Variants in NSMF observed in about 807,000 individuals in gnomAD.
The protein encoded by NSMF is nasal embryonic LHRH factor.
A neutral mutation model predicts 71.0 loss-of-function variants in NSMF; 31 were observed. The ratio of observed to expected loss-of-function variants is 0.44; its 90% CI spans 0.33 to 0.59. The LOEUF (loss-of-function observed/expected upper bound fraction) is 0.59, where lower values mean the gene tolerates loss of function less well. Ranked by LOEUF, NSMF falls within the 20% of genes least tolerant of loss-of-function variation. The pLI is 0.04. For missense variants in NSMF, 673 were observed against 740.5 expected, an observed-to-expected ratio of 0.91 and a Z score of 1.06; for synonymous variants, 345 against 287.1, an observed-to-expected ratio of 1.20 and a Z score of -2.04.
chr9:137,449,913 G>T lies in NSMF; in HGVS notation c.1419+10C>A. 6.2e-7 allele frequency: 1 copy of T among 1,606,056 alleles called. No homozygotes were observed. The highest frequency in any genetic ancestry group is 1.1e-5 in the South Asian group (1 of 90,950). ...CAGAGGTCTGGGGTGGGGCTTGGGG[G>T]TCACTGTACCTTCTCTCCATTGGGG... On this transcript the variant is annotated intron_variant, in intron 14 of 15. Coordinates refer to ENST00000371475, the MANE Select transcript of NSMF (RefSeq NM_001130969.3).
Position 137,453,274 on chromosome 9 carries a change from C to G in NSMF, c.923-94G>C, listed in dbSNP as rs1192248228. 1 of 1,571,166 alleles carries G rather than the reference C, an allele frequency of 6.4e-7. No individual in the cohort carries two copies. Among genetic ancestry groups the G allele is most frequent in the Non-Finnish European group, 8.6e-7 (1 of 1,160,942 alleles). ...GCCCACAGGGCCCGAAAGCCCCATC[C>G]CGGAGGGTCCTCCAAGCAAGTGGGA... On this transcript the variant is annotated intron_variant, in intron 8 of 15. Coordinates refer to ENST00000371475, the MANE Select transcript of NSMF (RefSeq NM_001130969.3). The surrounding 1 kb of genome is among the most constrained non-coding windows in gnomAD (Gnocchi z 4.5).
At chr9:137,458,236 C>T (rs1415550669) in intron 2 of NSMF, among the ~76,000 whole-genome samples, 2 of 152,188 alleles carry the variant, frequency 1.3e-5, no homozygotes, top group African/African-American at 4.8e-5. Context: ...GCAGTGGTGC[C>T]AGCCCTGGGG....
chr9:137,457,706 A>C lies in NSMF; in HGVS notation c.329T>G (p.Leu110Arg). 6.4e-7 allele frequency: 1 copy of C among 1,553,244 alleles called. No individual in the cohort carries two copies. Among genetic ancestry groups the C allele is most frequent in the Non-Finnish European group, 8.7e-7 (1 of 1,148,484 alleles). Residue 110 changes from leucine to arginine, a missense_variant, in exon 3 of 16, where the codon CTG becomes CGG. By Grantham distance (102) the Leu-to-Arg change is moderately radical. Coordinates refer to ENST00000371475, the MANE Select transcript of NSMF (RefSeq NM_001130969.3). ...RVYTISGEPA[L>R]LPSPEAEAIE... The stretch of plus-strand genomic sequence containing the variant: ...GGCCTCCGCCTCAGGGCTGGGCAGC[A>C]GGGCAGGCTCCCCAGAGATGGTGTA...
chr9:137,455,480 G>A lies in NSMF; in HGVS notation c.710+149C>T, dbSNP rs1012460301. 6.9e-6 allele frequency: 8 copies of A among 1,164,558 alleles called. No homozygotes were observed. In the East Asian group the frequency reaches 1.5e-4, roughly 22 times the overall value. 72.1% of individuals were successfully genotyped at this position (1,164,558 alleles called of 1,614,324 possible). On this transcript the variant is annotated intron_variant, in intron 5 of 15. Coordinates refer to ENST00000371475, the MANE Select transcript of NSMF (RefSeq NM_001130969.3). ...CCCAGCTCCCAGCAGGCCCTGCTGC[G>A]ACCTCGGTGCCCGCTGGGAGCCAGG...
At position 137,457,601 on chromosome 9, in the gene NSMF, C is replaced by T. The variant is rs1830903282; in HGVS notation, c.434G>A (p.Gly145Asp). The T allele has an allele frequency of 1.3e-6, 2 of 1,557,112 alleles. No individual in the cohort carries two copies. The highest frequency in any genetic ancestry group is 4.9e-5 in the East Asian group (2 of 41,218). ...HSQPLRASPG[G>D]SREDVSRPCQ... is the part of the protein sequence containing the mutation. Reference sequence around the variant, plus strand: ...GGGCCTGCTGACGTCCTCCCGGCTGCCACCAGGGCTGGCGCGCAGGGGCTG... The same window carrying T: ...GGGCCTGCTGACGTCCTCCCGGCTGTCACCAGGGCTGGCGCGCAGGGGCTG... Residue 145 changes from glycine to aspartate, a missense_variant, in exon 3 of 16, where the codon GGC becomes GAC. Physicochemically the swap from Gly to Asp is moderately conservative, Grantham distance 94. Transcript: ENST00000371475.
rs759342686 is a variant in NSMF, at chr9:137,454,367, C to T, written c.832+24G>A. ...CCAGCCAAGCGCAACGCCGCCCCCC[C>T]ACCCCCGCCGCACGGGGTCTTACTC... On this transcript the variant is annotated intron_variant, in intron 7 of 15. Transcript: ENST00000371475. 4.0e-5 allele frequency: 62 copies of T among 1,548,498 alleles called. 2 individuals carry two copies. In the South Asian group the frequency reaches 5.2e-4, roughly 13 times the overall value.
intron 9 of NSMF, 104 bp downstream of exon 9, chr9:137,452,952 G>A: frequency 6.3e-7 from 1 of 1,582,744 alleles, no homozygotes; most frequent in Non-Finnish European, 8.6e-7. Flanking sequence ...CCTCCCCCAG[G>A]CAGCTGGAGA....
rs1830407495 is a variant in NSMF at position 137,450,212 on chromosome 9, G to A, written c.1280C>T (p.Thr427Ile). 2 of 1,613,424 alleles carry A rather than the reference G, an allele frequency of 1.2e-6. No individual in the cohort carries two copies. The highest frequency in any genetic ancestry group is 1.3e-5 in the African/African-American group (1 of 74,896). The change falls in exon 13 of 16, where the codon ACC becomes ATC. Residue 427 changes from threonine (T) to isoleucine (I), a missense_variant. Thr to Ile is a moderately conservative substitution (Grantham distance 89). Around this residue, in one of 2 missense-constraint regions of NSMF, gnomAD observed 202 missense variants for 280.8 expected, o/e 0.72. Coordinates refer to ENST00000371475, the MANE Select transcript of NSMF (RefSeq NM_001130969.3). Reference protein sequence around the residue: ...HLYLLKNKVATFAKVEKEEDM... With the variant: ...HLYLLKNKVAIFAKVEKEEDM... ...CTCTTCCTTCTCCACTTTGGCAAAGGTGGCCACCTTGTTCTTGAGGAGATA... is the reference window on the plus strand; with the variant it reads ...CTCTTCCTTCTCCACTTTGGCAAAGATGGCCACCTTGTTCTTGAGGAGATA...
At chr9:137,458,312 G>A (rs933870348) in intron 2 of NSMF, among the ~76,000 whole-genome samples, 176 bp downstream of exon 2, 1 of 152,164 alleles carries the variant, frequency 6.6e-6, no homozygotes, top group African/African-American at 2.4e-5. Context: ...ACGAGCGGCT[G>A]GGAACTGCTC....
intron 1 of NSMF, 126 bp downstream of exon 1, chr9:137,458,906 G>A (rs779974658): frequency 1.4e-6 from 1 of 725,080 alleles, no homozygotes; most frequent in South Asian, 2.5e-5. Context: ...CGCGGGGCGC[G>A]GGGAGGGCGC....
chr9:137,453,614 C>G lies in NSMF; in HGVS notation c.922+117G>C, dbSNP rs1192259147. On this transcript the variant is annotated intron_variant, in intron 8 of 15. Transcript: ENST00000371475. The surrounding 1 kb of genome is among the most constrained non-coding windows in gnomAD (Gnocchi z 4.5). The stretch of plus-strand genomic sequence containing the variant: ...CGTCCCCATCTCACAAACAGGTAAA[C>G]CAAGATTCAGGAGTGCAAAAGCGCA... 3.9e-6 allele frequency: 3 copies of G among 762,028 alleles called. No individual in the cohort carries two copies. The highest frequency in any genetic ancestry group is 2.1e-6 in the Non-Finnish European group (1 of 482,716). 47.2% of individuals were successfully genotyped at this position (762,028 alleles called of 1,614,324 possible).
intron 1 of NSMF, 43 bp from the exon 2 acceptor site, chr9:137,458,592 C>A (rs757501285): frequency 6.5e-7 from 1 of 1,544,514 alleles, no homozygotes; most frequent in Non-Finnish European, 8.8e-7. Context: ...ACGGCACGAC[C>A]CTCCCAAACA....
chr9:137,449,497 C>T lies in NSMF; in HGVS notation c.1496-6G>A, dbSNP rs372461439. 5.3e-5 allele frequency: 85 copies of T among 1,612,652 alleles called. No homozygotes were observed. The highest frequency in any genetic ancestry group is 3.1e-4 in the African/African-American group (23 of 74,928). On this transcript the variant is annotated splice_polypyrimidine_tract_variant and splice_region_variant and intron_variant, in intron 15 of 15. Transcript: ENST00000371475. The stretch of plus-strand genomic sequence containing the variant: ...CGTCTCGATCATCTGCTTCCCTGGG[C>T]GGAGCGGGGGCAGGAGGCTCAGGCC...
chr9:137,456,466 A>T lies in NSMF; in HGVS notation c.649T>A (p.Trp217Arg). The T allele has an allele frequency of 6.2e-7, 1 of 1,612,764 alleles. No homozygotes were observed. Among genetic ancestry groups the T allele is most frequent in the Non-Finnish European group, 8.5e-7 (1 of 1,179,232 alleles). The change falls in exon 4 of 16, where the codon TGG becomes AGG. Residue 217 changes from tryptophan (W) to arginine (R), a missense_variant. Physicochemically the swap from Trp to Arg is moderately radical, Grantham distance 101. Coordinates refer to ENST00000371475, the MANE Select transcript of NSMF (RefSeq NM_001130969.3). ...RVSDDIPIRT[W>R]FPKENLFSFQ... ...CTGAAAAGATTTTCCTTGGGGAACC[A>T]GGTACGAATAGGGATGTCGTCTAAG...
rs756310427 is a variant in NSMF, at chr9:137,449,603, G to A, written c.1491C>T (p.Ala497=). 2 of 1,612,388 alleles carry A rather than the reference G, an allele frequency of 1.2e-6. No homozygotes were observed. The highest frequency in any genetic ancestry group is 2.2e-5 in the South Asian group (2 of 90,968). ...VTFESPLELS[A]QGKQMIETYF... ...GGCCCAGCCTGGGTAACTCACCTTG[G>A]GCTGAGAGCTCCAGGGGTGACTCGA... Residue 497 remains alanine, a synonymous_variant, in exon 15 of 16, where the codon GCC becomes GCT. Transcript: ENST00000371475.
At chr9:137,452,687 G>A (rs1371158412) in intron 10 of NSMF, 49 bp downstream of exon 10, 3 of 1,599,570 alleles carry the variant, frequency 1.9e-6, no homozygotes, top group Admixed American at 1.7e-5. Flanking sequence ...GGCCCAGGGT[G>A]GGGCCGCAAG....
At chr9:137,456,319 G>T in intron 4 of NSMF, 92 bp downstream of exon 4, 1 of 1,069,076 alleles carries the variant, frequency 9.4e-7, no homozygotes, top group Non-Finnish European at 1.5e-6. Flanking sequence ...CAGCCCCCCT[G>T]GTAGGCCCAG....
intron 6 of NSMF, chr9:137,454,940 CA>C: frequency 1.4e-6 from 1 of 694,754 alleles, no homozygotes; most frequent in Non-Finnish European, 2.6e-6. Flanking sequence ...GCCCAACATC[CA>C]AAACGGGCAA....
chr9:137,457,284 C>T (rs990252736), intron 3 of NSMF, 123 bp downstream of exon 3: 18 of 1,386,104 alleles, frequency 1.3e-5, no homozygotes, highest in South Asian at 3.6e-5. Context: ...ATCTTGAGTC[C>T]GCTGGCATGC....
Sources: gnomAD v4.1 joint callset for allele counts (sites outside exome capture counted in the v4.1 genomes callset) on GRCh38, gnomAD v4.1.1 for gene constraint, gnomAD v4.1.1 regional missense constraint, Gnocchi (gnomAD v3.1) non-coding constraint, MANE v1.5 for transcripts, NCBI Gene and HGNC (gene_info 2026-07-23, HGNC 2026-07-21) for gene names.